PDE4D: variants seen among roughly 807,000 people sequenced by gnomAD.
PDE4D encodes the protein 3',5'-cyclic-AMP phosphodiesterase 4D.
In PDE4D, 24 loss-of-function variants were observed where a neutral mutation model predicts 87.4. That is an observed-to-expected ratio of 0.27 (90% CI 0.20 to 0.39). The LOEUF is 0.39. PDE4D is among the 10% of genes least tolerant of loss of function. The probability of loss-of-function intolerance (pLI) is 1.00; values close to 1 mark genes in which losing one functional copy is unlikely to be tolerated. For synonymous variants in PDE4D, 384 were observed against 383.2 expected (o/e 1.00, Z -0.02); for missense variants, 714 against 1,041.0 (o/e 0.69, Z 4.32).
intron 1 of PDE4D, among the ~76,000 whole-genome samples, chr5:59,354,480 T>C (rs1781034702): frequency 6.6e-6 from 1 of 152,182 alleles, no homozygotes; most frequent in Admixed American, 6.6e-5. Context: ...TAACTGTGCG[T>C]GCATGTGCCT....
chr5:59,443,432 A>G (rs546974116), intron 1 of PDE4D, among the ~76,000 whole-genome samples: 3 of 152,348 alleles, frequency 2.0e-5, no homozygotes, highest in African/African-American at 7.2e-5. Context: ...TTTTATTTCC[A>G]TAAAAGAAAT....
chr5:59,746,031 A>G (rs189501274), intron 1 of PDE4D, among the ~76,000 whole-genome samples: 2 of 152,338 alleles, frequency 1.3e-5, no homozygotes, highest in East Asian at 3.9e-4. Flanking sequence ...TATTTATTTA[A>G]GAAAAGCAAT....
At chr5:59,542,462 A>C (rs1290627761) in intron 1 of PDE4D, among the ~76,000 whole-genome samples, 1 of 152,166 alleles carries the variant, frequency 6.6e-6, no homozygotes, top group Non-Finnish European at 1.5e-5. Flanking sequence ...AAATTGATGA[A>C]CCATTTTAGC....
chr5:59,810,399 A>T (rs1217532356), intron 1 of PDE4D, among the ~76,000 whole-genome samples: 2 of 152,204 alleles, frequency 1.3e-5, no homozygotes, highest in African/African-American at 4.8e-5. Flanking sequence ...TTCTCTGGGT[A>T]CTGTAAGTAA....
chr5:60,107,057 A>G (rs1777037852), intron 2 of PDE4D, among the ~76,000 whole-genome samples: 1 of 152,206 alleles, frequency 6.6e-6, no homozygotes, highest in South Asian at 2.1e-4. Context: ...TCAAAAATTA[A>G]TGAATCCAGG....
rs1446053342 is a variant in PDE4D at position 60,496,499 on chromosome 5, G to C, written n.70+25552C>G. Among the ~76,000 whole-genome samples the C allele has an allele frequency of 3.3e-5, 5 of 152,086 alleles. No homozygotes were observed. The East Asian group carries it at 9.6e-4, about 29-fold the overall frequency. On this transcript the variant is annotated intron_variant and non_coding_transcript_variant, in intron 1 of 2. Coordinates refer to the PDE4D transcript ENST00000506510. ...AGCTTTCCCTGCATTAAAATAAGTG[G>C]AAGTTATTCAAAAGCCCACTTAGCT...
At chr5:59,964,333 C>G (rs747791496) in intron 3 of PDE4D, among the ~76,000 whole-genome samples, 1 of 152,130 alleles carries the variant, frequency 6.6e-6, no homozygotes, top group African/African-American at 2.4e-5. Context: ...AAGCAACCAG[C>G]GTTTGGCTTC....
At chr5:59,547,304 GA>G (rs1212510361) in intron 1 of PDE4D, among the ~76,000 whole-genome samples, 7 of 151,576 alleles carry the variant, frequency 4.6e-5, no homozygotes, top group Admixed American at 1.3e-4. Flanking sequence ...TTTTTTATAG[GA>G]AAAAAAGGGG....
intron 1 of PDE4D, among the ~76,000 whole-genome samples, chr5:59,887,981 T>C (rs773124591): frequency 1.3e-5 from 2 of 152,238 alleles, no homozygotes; most frequent in South Asian, 2.1e-4. Context: ...ATATAGTTTG[T>C]AGTTATAGTT....
chr5:59,744,330 G>C (rs6875753), intron 1 of PDE4D, among the ~76,000 whole-genome samples: 50,738 of 151,918 alleles, frequency 0.33, 8,781 homozygotes, highest in South Asian at 0.39. Context: ...ATTAATTCTA[G>C]ACAAACTACA....
At chr5:59,294,090 G>C (rs1287516628) in intron 1 of PDE4D, among the ~76,000 whole-genome samples, 2 of 152,128 alleles carry the variant, frequency 1.3e-5, no homozygotes, top group Non-Finnish European at 2.9e-5. Flanking sequence ...CAGATAAACT[G>C]CTTGGCAGTC....
intron 5 of PDE4D, among the ~76,000 whole-genome samples, chr5:59,065,205 T>A (rs774403490): frequency 1.3e-5 from 2 of 151,550 alleles, no homozygotes; most frequent in Non-Finnish European, 2.9e-5. Flanking sequence ...CTGGAGGACA[T>A]CATGCTAAGT....
chr5:59,038,377 A>G (rs1758933233), intron 6 of PDE4D, among the ~76,000 whole-genome samples: 2 of 152,178 alleles, frequency 1.3e-5, no homozygotes, highest in African/African-American at 4.8e-5. Context: ...TGTATGGCCA[A>G]CTGAATATAT....
At chr5:59,962,712 T>A (rs776409206) in intron 3 of PDE4D, among the ~76,000 whole-genome samples, 2 of 152,148 alleles carry the variant, frequency 1.3e-5, no homozygotes, top group Non-Finnish European at 2.9e-5. Flanking sequence ...TCAAAGAATA[T>A]TTAGCCAAGC....
chr5:59,140,872 T>C (rs1339527061), intron 5 of PDE4D, among the ~76,000 whole-genome samples: 2 of 151,204 alleles, frequency 1.3e-5, no homozygotes. Context: ...AAGGAGACAA[T>C]CCTTTGAAGG....
At chr5:60,026,274 G>C (rs1166247069) in intron 2 of PDE4D, among the ~76,000 whole-genome samples, 2 of 152,198 alleles carry the variant, frequency 1.3e-5, no homozygotes, top group East Asian at 1.9e-4. Flanking sequence ...CAGTGGACTA[G>C]AGACTCTTTT....
intron 5 of PDE4D, among the ~76,000 whole-genome samples, chr5:59,104,402 T>C (rs929386775): frequency 6.6e-6 from 1 of 152,232 alleles, no homozygotes; most frequent in African/African-American, 2.4e-5. Flanking sequence ...AGCCCTTACA[T>C]GTGTGATTAC....
rs1341506665 is a variant in PDE4D at position 60,172,856 on chromosome 5, CAG to C, written c.42+12699_42+12700del. ...CCCCAAACTTCATCTCTTGAGCAGT[CAG>C]GGGACAAGTTTAAAAATCCTAATAC... On this transcript the variant is annotated intron_variant, in intron 2 of 16. Coordinates refer to the PDE4D transcript ENST00000502484. Among the ~76,000 whole-genome samples the C allele has an allele frequency of 3.3e-5, 5 of 152,066 alleles. 1 individual carries two copies. The highest frequency in any genetic ancestry group is 5.9e-5 in the Non-Finnish European group (4 of 67,994).
At chr5:59,352,280 A>G (rs1372417974) in intron 1 of PDE4D, among the ~76,000 whole-genome samples, 1 of 151,960 alleles carries the variant, frequency 6.6e-6, no homozygotes, top group African/African-American at 2.4e-5. Context: ...TACTAATTAC[A>G]CTCATCTTTT....
Sources: allele counts gnomAD v4.1 joint callset (sites outside exome capture counted in the v4.1 genomes callset), GRCh38; gene constraint gnomAD v4.1.1; transcripts MANE v1.5; gene names NCBI Gene and HGNC (gene_info 2026-07-23, HGNC 2026-07-21).